Variants in FHIT observed in about 807,000 individuals in gnomAD.
FHIT encodes bis(5'-adenosyl)-triphosphatase.
In FHIT, 19 loss-of-function variants were observed where a neutral mutation model predicts 17.9. The ratio of observed to expected loss-of-function variants is 1.06; its 90% CI spans 0.74 to 1.56. The LOEUF (loss-of-function observed/expected upper bound fraction) is 1.56, where lower values mean the gene tolerates loss of function less well. FHIT is among the 40% of genes most tolerant of loss of function. The probability of loss-of-function intolerance (pLI) is 0.00; values close to 1 mark genes in which losing one functional copy is unlikely to be tolerated. For missense variants in FHIT, 248 were observed against 189.2 expected (o/e 1.31, Z -1.82); for synonymous variants, 81 against 69.7 (o/e 1.16, Z -0.81).
intron 8 of FHIT, among the ~76,000 whole-genome samples, chr3:59,789,432 T>C (rs79627395): frequency 0.014 from 2,105 of 152,316 alleles, 40 homozygotes; most frequent in African/African-American, 0.047. Context: ...AAAAACACTA[T>C]GCATTTTTCT....
At chr3:61,241,963 G>A (rs758327592) in intron 1 of FHIT, among the ~76,000 whole-genome samples, 2 of 152,094 alleles carry the variant, frequency 1.3e-5, no homozygotes, top group Non-Finnish European at 2.9e-5. Flanking sequence ...TGTATGGAGT[G>A]AACAGACCAG....
rs547140094 is a variant in FHIT, at chr3:60,932,496, T to A, written c.-111+109551A>T. On this transcript the variant is annotated intron_variant, in intron 3 of 9. Coordinates refer to ENST00000492590, the MANE Select transcript of FHIT (RefSeq NM_002012.4). ...GGGATCAGAGAATTGGAGGAAAGAGTCTGGGGGTATCTATTCCCCATTTCC... is the reference window on the plus strand; with the variant it reads ...GGGATCAGAGAATTGGAGGAAAGAGACTGGGGGTATCTATTCCCCATTTCC... Among the ~76,000 whole-genome samples the A allele has an allele frequency of 3.3e-5, 5 of 152,030 alleles. No homozygotes were observed. In the East Asian group the frequency reaches 5.8e-4, roughly 18 times the overall value.
intron 5 of FHIT, among the ~76,000 whole-genome samples, chr3:60,380,770 C>T (rs560443388): frequency 7.2e-5 from 11 of 152,150 alleles, no homozygotes; most frequent in South Asian, 2.1e-4. Context: ...CATTTTGACC[C>T]GGTAAGGCAA....
intron 3 of FHIT, among the ~76,000 whole-genome samples, chr3:60,985,828 T>C (rs1710700245): frequency 6.6e-6 from 1 of 152,230 alleles, no homozygotes; most frequent in African/African-American, 2.4e-5. Flanking sequence ...GTTCTGGTGG[T>C]CAGAAGCCCA....
chr3:60,175,372 G>T (rs1409322346), intron 5 of FHIT, among the ~76,000 whole-genome samples: 1 of 152,278 alleles, frequency 6.6e-6, no homozygotes, highest in Middle Eastern at 3.4e-3. Context: ...GCCTGGAAAT[G>T]ATGACTCTGT....
chr3:60,349,998 G>C (rs1199049617), intron 5 of FHIT, among the ~76,000 whole-genome samples: 1 of 152,150 alleles, frequency 6.6e-6, no homozygotes, highest in Non-Finnish European at 1.5e-5. Flanking sequence ...GAGATCATTA[G>C]TTTGATAAAA....
intron 4 of FHIT, among the ~76,000 whole-genome samples, chr3:60,578,442 C>CACAT (rs1478229343): frequency 1.4e-5 from 1 of 71,448 alleles, no homozygotes; most frequent in Non-Finnish European, 3.5e-5. Context: ...ATCTACAAAA[C>CACAT]ACACACACAC....
At chr3:60,295,598 C>G (rs573006018) in intron 5 of FHIT, among the ~76,000 whole-genome samples, 7 of 152,150 alleles carry the variant, frequency 4.6e-5, no homozygotes, top group African/African-American at 1.4e-4. Context: ...CCACCATGAC[C>G]CAAACACCTC....
At chr3:60,932,123 T>A (rs1391187498) in intron 3 of FHIT, among the ~76,000 whole-genome samples, 4 of 152,220 alleles carry the variant, frequency 2.6e-5, no homozygotes, top group Admixed American at 6.5e-5. Context: ...TATGGTCCAC[T>A]GATAAGCCTC....
chr3:60,533,697 G>A (rs184635126), intron 5 of FHIT, among the ~76,000 whole-genome samples: 1 of 152,130 alleles, frequency 6.6e-6, no homozygotes, highest in Non-Finnish European at 1.5e-5. Context: ...TGAGGGGCAG[G>A]AGAAAGTATA....
intron 7 of FHIT, among the ~76,000 whole-genome samples, chr3:60,008,112 C>A (rs1699995113): frequency 6.6e-6 from 1 of 152,000 alleles, no homozygotes; most frequent in African/African-American, 2.4e-5. Flanking sequence ...AGGTGCATAG[C>A]CAAACAAACA....
At chr3:60,489,138 A>T (rs2107496039) in intron 5 of FHIT, among the ~76,000 whole-genome samples, 1 of 151,088 alleles carries the variant, frequency 6.6e-6, no homozygotes. Context: ...TCCCCCTTTA[A>T]GCAAATACTA....
At chr3:60,347,530 A>T (rs780984145) in intron 5 of FHIT, among the ~76,000 whole-genome samples, 8 of 152,130 alleles carry the variant, frequency 5.3e-5, no homozygotes, top group Non-Finnish European at 1.2e-4. Context: ...ACACTCTCAC[A>T]TCAATAGTTA....
intron 2 of FHIT, among the ~76,000 whole-genome samples, chr3:61,147,985 T>C (rs2107032730): frequency 6.6e-6 from 1 of 151,772 alleles, no homozygotes; most frequent in East Asian, 1.9e-4. Context: ...CAGAAAGAAT[T>C]ATTCTAGGAT....
chr3:59,922,850 G>A lies in FHIT; in HGVS notation c.280-436C>T, dbSNP rs370129451. 1.2e-4 allele frequency among the ~76,000 whole-genome samples: 19 copies of A among 152,194 alleles called. No individual in the cohort carries two copies. The East Asian group carries it at 3.5e-3, about 28-fold the overall frequency. ...TAGTATGGGCAGAATTACAGACTTG[G>A]GGCTTCGAAAAATAATCATATAATA... On this transcript the variant is annotated intron_variant, in intron 7 of 9. Coordinates refer to ENST00000492590, the MANE Select transcript of FHIT (RefSeq NM_002012.4).
intron 4 of FHIT, among the ~76,000 whole-genome samples, chr3:60,714,870 T>A (rs1313235606): frequency 2.0e-5 from 3 of 152,228 alleles, no homozygotes; most frequent in Non-Finnish European, 4.4e-5. Context: ...CAAGGTAATT[T>A]ATAGATTCAA....
chr3:60,610,985 A>ATAGGAGTCATCACAGC (rs2107731981), intron 4 of FHIT, among the ~76,000 whole-genome samples: 1 of 152,252 alleles, frequency 6.6e-6, no homozygotes, highest in African/African-American at 2.4e-5. Context: ...CATCTGTAAA[A>ATAGGAGTCATCACAGC]TAGGAGTCAT....
chr3:60,324,727 T>C (rs1266166948), intron 5 of FHIT, among the ~76,000 whole-genome samples: 40 of 152,292 alleles, frequency 2.6e-4, no homozygotes, highest in Non-Finnish European at 5.9e-5. Context: ...TTTGATTACT[T>C]GAAAATTATT....
rs1382657891 is a variant in FHIT, at chr3:59,752,315, T to A, written c.355A>T (p.Lys119Ter). Residue 119 changes from lysine (K) to a stop codon, truncating the protein, a stop_gained, in exon 9 of 10, where the codon AAA becomes TAA. Transcript: ENST00000492590. LOFTEE classifies it high-confidence loss of function. ...GCAGGAAAGTCCTCCTTGTCATGTTTCTGGAGCTTTGGAGAAAAAAAAAGG... is the reference window on the plus strand; with the variant it reads ...GCAGGAAAGTCCTCCTTGTCATGTTACTGGAGCTTTGGAGAAAAAAAAAGG... Reference protein sequence around the residue: ...RNDSIYEELQKHDKEDFPASW... With the variant: ...RNDSIYEELQ 3 of 1,610,754 alleles carry A rather than the reference T, an allele frequency of 1.9e-6. No homozygotes were observed. The highest frequency in any genetic ancestry group is 1.7e-6 in the Non-Finnish European group (2 of 1,178,928).
Sources: gnomAD v4.1 joint callset for allele counts (sites outside exome capture counted in the v4.1 genomes callset) on GRCh38, gnomAD v4.1.1 for gene constraint, MANE v1.5 for transcripts, NCBI Gene and HGNC (gene_info 2026-07-23, HGNC 2026-07-21) for gene names.